Variants in FMNL3 observed in about 807,000 individuals in gnomAD.
FMNL3 encodes the protein formin like 3, also known as formin-like protein 3.
Under a neutral mutation model 119.6 loss-of-function variants are expected in FMNL3, and 57 were observed. That is an observed-to-expected ratio of 0.48 (90% confidence interval 0.39 to 0.59). The LOEUF is 0.59. FMNL3 is among the 20% of genes least tolerant of loss of function. The probability of loss-of-function intolerance (pLI) is 0.00; values close to 1 mark genes in which losing one functional copy is unlikely to be tolerated. For synonymous variants in FMNL3, 491 were observed against 507.3 expected (o/e 0.97, Z 0.43); for missense variants, 1,053 against 1,323.5 (o/e 0.80, Z 3.17).
In FMNL3 at chr12:49,641,860, G is replaced by C. The variant is rs1565848846; in HGVS notation, c.*3955C>G. On this transcript the variant is annotated 3_prime_UTR_variant, in exon 26 of 26. Coordinates refer to ENST00000335154, the MANE Select transcript of FMNL3 (RefSeq NM_175736.5). ...TGTGACCACTCTGCCTGCCAGCTTTGGCCTCAGGCACGTGGTGCCCCTGCT... is the reference window on the plus strand; with the variant it reads ...TGTGACCACTCTGCCTGCCAGCTTTCGCCTCAGGCACGTGGTGCCCCTGCT... 1.1e-5 allele frequency: 16 copies of C among 1,523,682 alleles called. No individual in the cohort carries two copies. The highest frequency in any genetic ancestry group is 3.3e-5 in the Admixed American group (2 of 59,842). 94.4% of individuals were successfully genotyped at this position (1,523,682 alleles called of 1,614,324 possible). A position where few individuals can be genotyped will look rare whatever the true frequency, so the allele number is the denominator to read the frequency against.
At position 49,637,720 on chromosome 12, in the gene FMNL3, TC is replaced by T; in HGVS notation, c.*8094del. ...CTGCCGCCCGCCAGGCCCCCCTCCC[TC>T]CCTCCTTACAGGCTCCACCCCTCTG... On this transcript the variant is annotated 3_prime_UTR_variant, in exon 26 of 26. Transcript: ENST00000335154. The T allele has an allele frequency of 1.6e-6, 1 of 634,106 alleles. No individual in the cohort carries two copies. The highest frequency in any genetic ancestry group is 2.6e-6 in the Non-Finnish European group (1 of 390,486). The allele number at this position is 634,106 out of a possible 1,614,324, so 39.3% of individuals were successfully genotyped here.
chr12:49,663,793 A>G (rs974285822), intron 4 of FMNL3, among the ~76,000 whole-genome samples: 14 of 152,232 alleles, frequency 9.2e-5, no homozygotes, highest in African/African-American at 3.4e-4. Context: ...GCCTTCTCCC[A>G]ATAAAAGCAC....
chr12:49,654,106 T>C, intron 11 of FMNL3, 86 bp downstream of exon 11: 1 of 1,318,484 alleles, frequency 7.6e-7, no homozygotes, highest in Non-Finnish European at 1.1e-6. Flanking sequence ...CATCAAGGAT[T>C]AGGCACTTAT....
intron 1 of FMNL3, among the ~76,000 whole-genome samples, chr12:49,679,636 C>T (rs1944286328): frequency 6.7e-6 from 1 of 149,872 alleles, no homozygotes; most frequent in African/African-American, 2.4e-5. Flanking sequence ...AGGTGATCTT[C>T]CCACCTCAGC....
chr12:49,689,871 C>T (rs1944558097), intron 1 of FMNL3, among the ~76,000 whole-genome samples: 1 of 152,122 alleles, frequency 6.6e-6, no homozygotes, highest in African/African-American at 2.4e-5. Flanking sequence ...AATTCCCTCC[C>T]ATACAGCTCT....
At position 49,649,841 on chromosome 12, in the gene FMNL3, C is replaced by G; in HGVS notation, c.2085G>C (p.Arg695=). 1 of 1,614,186 alleles carries G rather than the reference C, an allele frequency of 6.2e-7. No individual in the cohort carries two copies. Among genetic ancestry groups the G allele is most frequent in the Non-Finnish European group, 8.5e-7 (1 of 1,180,038 alleles). The change falls in exon 18 of 26, where the codon CGG becomes CGC. Residue 695 remains arginine (R), a synonymous_variant. Coordinates refer to ENST00000335154, the MANE Select transcript of FMNL3 (RefSeq NM_175736.5). This position sits in a 1 kb window ranked among gnomAD's most constrained non-coding sequence, Gnocchi z 5.6. ...GGGGCTGCCGCTCCCGCTCATATTG[C>G]CGCAGCAGCTTTACCTCAGCCTCTG... ...LPTEAEVKLL[R]QYERERQPLE...
At chr12:49,697,423 T>G (rs79248495) in intron 1 of FMNL3, among the ~76,000 whole-genome samples, 8,049 of 152,266 alleles carry the variant, frequency 0.053, 366 homozygotes, top group South Asian at 0.18. Context: ...TACAGATAAG[T>G]GGAAGGCAAA....
intron 1 of FMNL3, among the ~76,000 whole-genome samples, chr12:49,693,654 T>TTTTTTTTTTTTTTTG (rs1565896596): frequency 4.5e-5 from 6 of 133,770 alleles, no homozygotes; most frequent in Non-Finnish European, 9.6e-5. Flanking sequence ...TTTTTTTTTT[T>TTTTTTTTTTTTTTTG]TTTTTTTTTT....
intron 1 of FMNL3, among the ~76,000 whole-genome samples, chr12:49,693,343 G>T (rs572523825): frequency 2.0e-5 from 3 of 151,890 alleles, no homozygotes; most frequent in African/African-American, 4.8e-5. Context: ...TATACATATA[G>T]AGAGAGACAG....
intron 1 of FMNL3, among the ~76,000 whole-genome samples, chr12:49,706,822 G>C (rs1238707608): frequency 6.6e-6 from 1 of 152,222 alleles, no homozygotes; most frequent in East Asian, 1.9e-4. Flanking sequence ...TCCCGAACTG[G>C]GGACTTCTCC....
intron 13 of FMNL3, 112 bp from the exon 14 acceptor site, chr12:49,652,324 C>CTCTG: frequency 6.9e-7 from 1 of 1,443,484 alleles, no homozygotes; most frequent in East Asian, 2.5e-5. Flanking sequence ...TGTCAGGGTA[C>CTCTG]TCAGAGGCTC....
Position 49,642,216 on chromosome 12 carries a change from G to T in FMNL3, c.*3599C>A, listed in dbSNP as rs369486822. 1 of 1,614,096 alleles carries T rather than the reference G, an allele frequency of 6.2e-7. No homozygotes were observed. The highest frequency in any genetic ancestry group is 1.1e-5 in the South Asian group (1 of 91,086). On this transcript the variant is annotated 3_prime_UTR_variant, in exon 26 of 26. Coordinates refer to ENST00000335154, the MANE Select transcript of FMNL3 (RefSeq NM_175736.5). This position sits in a 1 kb window ranked among gnomAD's most constrained non-coding sequence, Gnocchi z 5.8. Reference sequence around the variant, plus strand: ...CCACCCTCCTGGGTGACCCTGTTCCGTGTCCCTTCTTTCCTCAGCTGCTGG... The same window carrying T: ...CCACCCTCCTGGGTGACCCTGTTCCTTGTCCCTTCTTTCCTCAGCTGCTGG...
Position 49,654,229 on chromosome 12 carries a change from T to C in FMNL3, c.1034A>G (p.Tyr345Cys), listed in dbSNP as rs772388927. Residue 345 changes from tyrosine to cysteine, a missense_variant, in exon 11 of 26, where the codon TAT (tyrosine) becomes TGT (cysteine). Physicochemically the swap from Tyr to Cys is radical, Grantham distance 194. Transcript: ENST00000335154. ...EDMNFRVHLQ[Y>C]EFTKLGLEEF... ...CTCTAGCCCCAGCTTGGTAAACTCA[T>C]ACTGCAGGTGGACCCGGAAGTTCAT... The C allele has an allele frequency of 2.5e-6, 4 of 1,614,002 alleles. No individual in the cohort carries two copies. The highest frequency in any genetic ancestry group is 3.4e-6 in the Non-Finnish European group (4 of 1,180,032).
In FMNL3 at chr12:49,642,694, C is replaced by T. The variant is rs763769179; in HGVS notation, c.*3121G>A. The T allele has an allele frequency of 6.2e-7, 1 of 1,610,154 alleles. No homozygotes were observed. Among genetic ancestry groups the T allele is most frequent in the East Asian group, 2.2e-5 (1 of 44,736 alleles). ...GCTGGAGGTGAGGCAGGCTTGTCCT[C>T]TGGATCTGCCTCAGGCCCTTGAACT... On this transcript the variant is annotated 3_prime_UTR_variant, in exon 26 of 26. Coordinates refer to ENST00000335154, the MANE Select transcript of FMNL3 (RefSeq NM_175736.5). The surrounding 1 kb of genome is among the most constrained non-coding windows in gnomAD (Gnocchi z 5.8).
intron 1 of FMNL3, among the ~76,000 whole-genome samples, chr12:49,689,989 T>A (rs1181704576): frequency 6.6e-6 from 1 of 152,134 alleles, no homozygotes; most frequent in Non-Finnish European, 1.5e-5. Context: ...ACCACACTGA[T>A]CCTCCCCTAG....
intron 1 of FMNL3, among the ~76,000 whole-genome samples, chr12:49,682,946 T>C (rs1305982032): frequency 1.3e-5 from 2 of 152,204 alleles, no homozygotes; most frequent in African/African-American, 4.8e-5. Context: ...AGGGTTTTGT[T>C]ATCTGTGGAG....
At chr12:49,676,261 C>T (rs1944182261) in intron 1 of FMNL3, among the ~76,000 whole-genome samples, 1 of 152,160 alleles carries the variant, frequency 6.6e-6, no homozygotes. Flanking sequence ...TTAGGTATGG[C>T]TATGTGATCA....
chr12:49,646,902 G>A lies in FMNL3; in HGVS notation c.2979C>T (p.Ile993=), dbSNP rs766951536. 12 of 1,613,920 alleles carry A rather than the reference G, an allele frequency of 7.4e-6. No individual in the cohort carries two copies. Among genetic ancestry groups the A allele is most frequent in the African/African-American group, 2.7e-5 (2 of 74,888 alleles). The part of the protein sequence containing the change: ...RPVYEGKDGT[I]EDIITGLHCQ... ...GGGCCCCACCTGTGATGATGTCCTC[G>A]ATGGTACCATCCTTCCCCTCATAAA... Residue 993 remains isoleucine (I), a synonymous_variant, in exon 25 of 26, where the codon ATC becomes ATT. Coordinates refer to ENST00000335154, the MANE Select transcript of FMNL3 (RefSeq NM_175736.5).
intron 1 of FMNL3, among the ~76,000 whole-genome samples, chr12:49,693,965 G>T (rs1051255937): frequency 6.6e-6 from 1 of 150,888 alleles, no homozygotes; most frequent in Admixed American, 6.6e-5. Context: ...TAAAGACAGG[G>T]TCTCATTCAG....
Sources: gnomAD v4.1 joint callset for allele counts (sites outside exome capture counted in the v4.1 genomes callset) on GRCh38, gnomAD v4.1.1 for gene constraint, Gnocchi (gnomAD v3.1) non-coding constraint, MANE v1.5 for transcripts, NCBI Gene and HGNC (gene_info 2026-07-23, HGNC 2026-07-21) for gene names.